The following SIRPB2 variants were observed in gnomAD, a reference collection of about 807,000 sequenced individuals.
The protein encoded by SIRPB2 is signal regulatory protein beta 2.
A neutral mutation model predicts 27.1 loss-of-function variants in SIRPB2; 18 were observed. That is an observed-to-expected ratio of 0.66 (90% CI 0.46 to 0.98). The LOEUF (loss-of-function observed/expected upper bound fraction) is 0.98. Ranked by LOEUF, SIRPB2 falls within the 50% of genes least tolerant of loss-of-function variation. SIRPB2 has a pLI of 0.00. For synonymous variants in SIRPB2, 150 were observed against 164.6 expected, an observed-to-expected ratio of 0.91 and a Z score of 0.68; for missense variants, 420 against 417.4, an observed-to-expected ratio of 1.01 and a Z score of -0.06.
intron 1 of SIRPB2, among the ~76,000 whole-genome samples, chr20:1,482,018 A>G (rs553855956): frequency 9.2e-5 from 14 of 152,312 alleles, no homozygotes; most frequent in African/African-American, 2.9e-4. Context: ...CAGCCCAGAA[A>G]GAAGTGTTCT....
intron 1 of SIRPB2, among the ~76,000 whole-genome samples, chr20:1,490,188 T>C (rs1242816638): frequency 6.6e-6 from 1 of 152,236 alleles, no homozygotes; most frequent in Non-Finnish European, 1.5e-5. Context: ...CTAGCAATTA[T>C]GATTCACATC....
intron 1 of SIRPB2, among the ~76,000 whole-genome samples, chr20:1,484,644 T>C (rs770159634): frequency 4.0e-5 from 6 of 150,672 alleles, no homozygotes; most frequent in Non-Finnish European, 7.4e-5. Context: ...AAAACCACAA[T>C]GAGATATCAT....
chr20:1,479,379 C>T (rs1449639619), intron 2 of SIRPB2: 2 of 360,328 alleles, frequency 5.6e-6, no homozygotes, highest in Non-Finnish European at 1.0e-5. Context: ...ATGTGACTTG[C>T]TTTAGCCAGT....
rs776841135 is a variant in SIRPB2 at position 1,478,484 on chromosome 20, C to T, written c.575G>A (p.Arg192Lys). The T allele has an allele frequency of 6.2e-7, 1 of 1,614,048 alleles. No homozygotes were observed. The highest frequency in any genetic ancestry group is 2.2e-5 in the East Asian group (1 of 44,888). Residue 192 changes from arginine (R) to lysine (K), a missense_variant, in exon 3 of 5, where the codon AGG becomes AAG. Coordinates refer to ENST00000359801, the MANE Select transcript of SIRPB2 (RefSeq NM_001122962.2). Reference protein sequence around the residue: ...VLGDGPPGPIRWFQGAGLSRE... With the variant: ...VLGDGPPGPIKWFQGAGLSRE... ...GCTCAGACCAGCTCCCTGGAACCAC[C>T]TGATGGGTCCAGGGGGACCGTCTCC...
At position 1,480,024 on chromosome 20, in the gene SIRPB2, G is replaced by A. The variant is rs551420985; in HGVS notation, c.127C>T (p.Gln43Ter). ...GCCACCAGCATGGGGCCCTCGGGCT[G>A]TAGCACCTGCCAGTCATTCCTGCTG... is the stretch of plus-strand genomic sequence containing the variant. ...QSSRNDWQVL[Q>*]PEGPMLVAEG... Residue 43 changes from glutamine to a stop codon, truncating the protein, a stop_gained, in exon 2 of 5, where the codon CAG becomes TAG. Coordinates refer to ENST00000359801, the MANE Select transcript of SIRPB2 (RefSeq NM_001122962.2). LOFTEE classifies it high-confidence loss of function. 319 of 1,613,592 alleles carry A rather than the reference G, an allele frequency of 2.0e-4. 9 individuals carry two copies. The South Asian group carries it at 3.3e-3, about 17-fold the overall frequency.
chr20:1,479,645 CTG>C, intron 2 of SIRPB2, 53 bp downstream of exon 2: 8 of 1,589,052 alleles, frequency 5.0e-6, no homozygotes, highest in Non-Finnish European at 6.9e-6. Context: ...ATAAAGGTGA[CTG>C]TGCAGGGAAA....
downstream of SIRPB2, chr20:1,472,834 AT>A (rs2090585322): frequency 6.6e-6 from 1 of 152,130 alleles, no homozygotes; most frequent in South Asian, 2.1e-4. Context: ...CAGGCCAGGC[AT>A]TCTGCTTGGT....
intron 3 of SIRPB2, 111 bp from the exon 4 acceptor site, chr20:1,477,514 A>G (rs6135050): frequency 0.16 from 240,143 of 1,507,454 alleles, 27,783 homozygotes; most frequent in East Asian, 0.68. Context: ...CTATGTGGGT[A>G]TGGGCTAGAA....
chr20:1,476,038 A>T lies in SIRPB2; in HGVS notation c.*129T>A. ...GAATTTCACTAGGTGGACCAAAACCAGATGTAGGGATCTAGGAGTTTGTCA... is the reference window on the plus strand; with the variant it reads ...GAATTTCACTAGGTGGACCAAAACCTGATGTAGGGATCTAGGAGTTTGTCA... On this transcript the variant is annotated 3_prime_UTR_variant, in exon 5 of 5. Coordinates refer to ENST00000359801, the MANE Select transcript of SIRPB2 (RefSeq NM_001122962.2). 9.7e-7 allele frequency: 1 copy of T among 1,035,472 alleles called. No homozygotes were observed. The allele number at this position is 1,035,472 out of a possible 1,614,324, so 64.1% of individuals were successfully genotyped here.
At chr20:1,486,812 GAAGAC>G (rs1387354779) in intron 1 of SIRPB2, among the ~76,000 whole-genome samples, 2 of 152,136 alleles carry the variant, frequency 1.3e-5, no homozygotes, top group Non-Finnish European at 2.9e-5. Flanking sequence ...AGCAAACTGG[GAAGAC>G]AAGGAAGGTT....
chr20:1,488,647 C>A (rs1184830339), intron 1 of SIRPB2, among the ~76,000 whole-genome samples: 1 of 148,386 alleles, frequency 6.7e-6, no homozygotes. Flanking sequence ...GACCCTGTCT[C>A]AAAAAAAAAA....
chr20:1,482,522 C>T (rs547139395), intron 1 of SIRPB2, among the ~76,000 whole-genome samples: 2 of 151,786 alleles, frequency 1.3e-5, no homozygotes, highest in East Asian at 1.9e-4. Context: ...CTCCTTCCTT[C>T]CTTTCTTTCT....
chr20:1,490,665 T>C (rs563244640), intron 1 of SIRPB2, among the ~76,000 whole-genome samples: 1 of 152,132 alleles, frequency 6.6e-6, no homozygotes, highest in African/African-American at 2.4e-5. Context: ...CATTTTACAG[T>C]TGGAAAAACT....
intron 2 of SIRPB2, 35 bp downstream of exon 2, chr20:1,479,665 G>C (rs746206350): frequency 6.2e-7 from 1 of 1,603,940 alleles, no homozygotes; most frequent in Admixed American, 1.7e-5. Context: ...AAACAGACTG[G>C]AGCAAATGTG....
Position 1,478,303 on chromosome 20 carries a change from T to C in SIRPB2, c.756A>G (p.Gln252=), listed in dbSNP as rs2090628822. Residue 252 remains glutamine (Q), a synonymous_variant, in exon 3 of 5, where the codon CAA becomes CAG. Transcript: ENST00000359801. ...GGCTGGTGCCCTGTCCAGACAGGTA[T>C]TGCCTGTTGGGTTTCCTCTGAAACT... The part of the protein sequence containing the change: ...CVKFQRKPNR[Q]YLSGQGTSLK... 1.2e-6 allele frequency: 2 copies of C among 1,614,170 alleles called. No homozygotes were observed. The highest frequency in any genetic ancestry group is 2.2e-5 in the East Asian group (1 of 44,876).
chr20:1,489,624 C>T (rs2090758305), intron 1 of SIRPB2, among the ~76,000 whole-genome samples: 1 of 152,184 alleles, frequency 6.6e-6, no homozygotes, highest in Non-Finnish European at 1.5e-5. Context: ...GGAGGTTTGC[C>T]TCTGCCTTGT....
intron 1 of SIRPB2, among the ~76,000 whole-genome samples, chr20:1,489,326 A>G (rs1033606762): frequency 6.6e-6 from 1 of 152,248 alleles, no homozygotes; most frequent in Non-Finnish European, 1.5e-5. Flanking sequence ...CAAATTGTGT[A>G]CTTTACATAT....
intron 1 of SIRPB2, among the ~76,000 whole-genome samples, chr20:1,482,169 T>C (rs1201477060): frequency 2.0e-5 from 3 of 152,194 alleles, no homozygotes; most frequent in Non-Finnish European, 2.9e-5. Context: ...GAAATGTGAG[T>C]TTACTACTGT....
intron 1 of SIRPB2, among the ~76,000 whole-genome samples, chr20:1,485,578 A>G (rs2090716906): frequency 6.6e-6 from 1 of 151,880 alleles, no homozygotes; most frequent in African/African-American, 2.4e-5. Flanking sequence ...ACTAAACTCA[A>G]AGTAGTGAAA....
Sources: allele counts gnomAD v4.1 joint callset (sites outside exome capture counted in the v4.1 genomes callset), GRCh38; gene constraint gnomAD v4.1.1; transcripts MANE v1.5; gene names NCBI Gene and HGNC (gene_info 2026-07-23, HGNC 2026-07-21).